The following FERRY3 variants were observed in gnomAD, a reference collection of about 807,000 sequenced individuals.
The protein encoded by FERRY3 is protein C12orf4.
the FERRY3 span, chr12:4,509,308 G>A: frequency 1.1e-3 from 196 of 177,344 alleles, 1 homozygote; most frequent in South Asian, 0.012. Context: ...CAAGGCGGCA[G>A]CGAGGCTGGG....
At chr12:4,501,588 G>A in the FERRY3 span, among the ~76,000 whole-genome samples, 5 of 152,224 alleles carry the variant, frequency 3.3e-5, no homozygotes, top group East Asian at 3.9e-4. Context: ...CTGTGCATGC[G>A]AGGGATCTAG....
chr12:4,505,522 T>A, the FERRY3 span: 2 of 623,202 alleles, frequency 3.2e-6, no homozygotes, highest in East Asian at 5.5e-5. Flanking sequence ...ATGCTTTACA[T>A]GGATGATGTC....
the FERRY3 span, among the ~76,000 whole-genome samples, chr12:4,528,719 T>G: frequency 6.6e-6 from 1 of 152,104 alleles, no homozygotes; most frequent in South Asian, 2.1e-4. Context: ...TCAGGAACAA[T>G]TATTAAATAC....
At chr12:4,516,990 G>T in the FERRY3 span, 1 of 1,201,708 alleles carries the variant, frequency 8.3e-7, no homozygotes, top group South Asian at 3.3e-5. Flanking sequence ...TTTTCTATAT[G>T]ATCTTAATAC....
At chr12:4,510,117 A>G in the FERRY3 span, among the ~76,000 whole-genome samples, 5 of 140,566 alleles carry the variant, frequency 3.6e-5, no homozygotes, top group Admixed American at 6.8e-5. Context: ...TCAGGAGCCG[A>G]TGCGATCAAC....
At chr12:4,506,026 T>C in the FERRY3 span, among the ~76,000 whole-genome samples, 1 of 152,182 alleles carries the variant, frequency 6.6e-6, no homozygotes, top group African/African-American at 2.4e-5. Flanking sequence ...TTCTTCTTTT[T>C]TGAAGGCACG....
At chr12:4,526,299 C>T in the FERRY3 span, among the ~76,000 whole-genome samples, 3 of 152,126 alleles carry the variant, frequency 2.0e-5, no homozygotes, top group African/African-American at 7.2e-5. Flanking sequence ...GCAATGGTTA[C>T]ATGGTCGTGC....
the FERRY3 span, among the ~76,000 whole-genome samples, chr12:4,535,641 A>G: frequency 6.6e-6 from 1 of 152,360 alleles, no homozygotes; most frequent in South Asian, 2.1e-4. The surrounding 1 kb of genome is among the most constrained non-coding windows in gnomAD (Gnocchi z 4.0). Flanking sequence ...GTTCTATGGC[A>G]TCTCAGAAAT....
chr12:4,514,304 A>G, the FERRY3 span, among the ~76,000 whole-genome samples: 2 of 150,614 alleles, frequency 1.3e-5, no homozygotes, highest in African/African-American at 2.5e-5. Flanking sequence ...GTGGGACTGT[A>G]AACTAGTTCA....
chr12:4,534,174 C>T, the FERRY3 span: 1 of 1,608,008 alleles, frequency 6.2e-7, no homozygotes. Flanking sequence ...TAAGCTTTGG[C>T]CCATGTACTC....
chr12:4,516,590 C>G, the FERRY3 span, among the ~76,000 whole-genome samples: 1 of 152,158 alleles, frequency 6.6e-6, no homozygotes, highest in East Asian at 1.9e-4. Flanking sequence ...AACCATTATC[C>G]TCAGCAAACT....
At chr12:4,510,605 A>G in the FERRY3 span, among the ~76,000 whole-genome samples, 2 of 151,462 alleles carry the variant, frequency 1.3e-5, no homozygotes, top group African/African-American at 4.9e-5. Flanking sequence ...ATTCTTAAAG[A>G]AAAGAATCTT....
chr12:4,537,355 G>A, the FERRY3 span, among the ~76,000 whole-genome samples: 2 of 152,134 alleles, frequency 1.3e-5, no homozygotes, highest in East Asian at 3.8e-4. Context: ...TTGAATCATG[G>A]CACTTATCAC....
At chr12:4,491,021 TA>T in the FERRY3 span, among the ~76,000 whole-genome samples, 3 of 152,096 alleles carry the variant, frequency 2.0e-5, no homozygotes, top group South Asian at 6.2e-4. Flanking sequence ...AAAATAAAAC[TA>T]AAAAAGTCTA....
At chr12:4,520,320 C>G in the FERRY3 span, among the ~76,000 whole-genome samples, 1 of 152,168 alleles carries the variant, frequency 6.6e-6, no homozygotes, top group Non-Finnish European at 1.5e-5. Context: ...CGAGGCTTGA[C>G]CAAACCGGGA....
chr12:4,504,108 C>T, the FERRY3 span, among the ~76,000 whole-genome samples: 5 of 152,254 alleles, frequency 3.3e-5, no homozygotes, highest in East Asian at 1.9e-4. Context: ...GAGGAAATTT[C>T]GAGGCTGATG....
chr12:4,528,896 TACACACACACACAC>T, the FERRY3 span, among the ~76,000 whole-genome samples: 25 of 131,616 alleles, frequency 1.9e-4, no homozygotes, highest in East Asian at 8.2e-4. Flanking sequence ...TTAAATCAGT[TACACACACACACAC>T]ACACACACAC....
At chr12:4,516,603 T>C in the FERRY3 span, among the ~76,000 whole-genome samples, 1 of 152,250 alleles carries the variant, frequency 6.6e-6, no homozygotes, top group Admixed American at 6.5e-5. Context: ...AGCAAACTAA[T>C]GCAGGAACAG....
At chr12:4,494,637 T>C in the FERRY3 span, among the ~76,000 whole-genome samples, 1 of 152,280 alleles carries the variant, frequency 6.6e-6, no homozygotes, top group Non-Finnish European at 1.5e-5. Context: ...AATGACCATA[T>C]ATGTATGGAT....
Sources: allele counts gnomAD v4.1 joint callset (sites outside exome capture counted in the v4.1 genomes callset), GRCh38; gene constraint gnomAD v4.1.1; non-coding constraint Gnocchi (gnomAD v3.1); transcripts MANE v1.5; gene names NCBI Gene and HGNC (gene_info 2026-07-23, HGNC 2026-07-21).